Variants in UVSSA observed in about 807,000 individuals in gnomAD.
The protein encoded by UVSSA is UV-stimulated scaffold protein A.
UVSSA carries 72 observed loss-of-function variants against 73.9 expected under a neutral mutation model. The observed-to-expected ratio is 0.97, with a 90% confidence interval of 0.81 to 1.19. The LOEUF (loss-of-function observed/expected upper bound fraction) is 1.19. Ranked by LOEUF, UVSSA falls within the 50% of genes most tolerant of loss-of-function variation. The pLI is 0.00. For synonymous variants in UVSSA, 454 were observed against 391.3 expected, an observed-to-expected ratio of 1.16 and a Z score of -1.89; for missense variants, 1,150 against 965.0, an observed-to-expected ratio of 1.19 and a Z score of -2.54.
At chr4:1,379,254 G>A (rs7656122) in intron 10 of UVSSA, among the ~76,000 whole-genome samples, 76,637 of 152,122 alleles carry the variant, frequency 0.5, 19,569 homozygotes, top group Non-Finnish European at 0.54. Context: ...AACTGTGGCT[G>A]TGTGTCCTAG....
chr4:1,359,390 C>T (rs1451079855), intron 7 of UVSSA: 1 of 152,218 alleles, frequency 6.6e-6, no homozygotes, highest in Non-Finnish European at 1.5e-5. Flanking sequence ...CTGCGTCATT[C>T]GCTGAGCTGA....
In UVSSA at chr4:1,348,095, G is replaced by A. The variant is rs750601721; in HGVS notation, c.4G>A (p.Asp2Asn). Residue 2 changes from aspartate (D) to asparagine (N), a missense_variant, in exon 2 of 14, where the codon GAT becomes AAT. Transcript: ENST00000389851. The part of the protein sequence containing the change: M[D>N]QKLSKLVEEL... ...TCTGCCTTACTTATTTCTAGATATG[G>A]ATCAGAAACTTTCGAAGTTGGTAGA... 6.2e-7 allele frequency: 1 copy of A among 1,612,438 alleles called. No individual in the cohort carries two copies. Among genetic ancestry groups the A allele is most frequent in the Non-Finnish European group, 8.5e-7 (1 of 1,178,796 alleles).
chr4:1,368,845 T>A (rs1717664987), intron 8 of UVSSA, among the ~76,000 whole-genome samples: 1 of 152,250 alleles, frequency 6.6e-6, no homozygotes. Flanking sequence ...GCACAGCTGG[T>A]GCACTGGCGG....
intron 10 of UVSSA, among the ~76,000 whole-genome samples, chr4:1,377,887 G>T (rs527408187): frequency 1.3e-5 from 2 of 152,378 alleles, no homozygotes; most frequent in Middle Eastern, 3.4e-3. Context: ...ACATGGCAGC[G>T]GCCCGGGCTG....
At chr4:1,378,827 G>A (rs1416010068) in intron 10 of UVSSA, among the ~76,000 whole-genome samples, 1 of 152,230 alleles carries the variant, frequency 6.6e-6, no homozygotes, top group African/African-American at 2.4e-5. Flanking sequence ...CGGGGCACAT[G>A]GCCAGGTGCT....
At chr4:1,388,132 C>T (rs1191287051), downstream of UVSSA, 5 of 152,190 alleles carry the variant, frequency 3.3e-5, no homozygotes, top group East Asian at 5.8e-4. Flanking sequence ...ATAAGTTTCT[C>T]ACTTATTTTG....
exon 14 of UVSSA, chr4:1,394,628 A>T (rs769114627): frequency 6.9e-7 from 1 of 1,445,836 alleles, no homozygotes; most frequent in South Asian, 1.2e-5. Context: ...ACACATGTCG[A>T]TGCGGAGTGC....
intron 7 of UVSSA, among the ~76,000 whole-genome samples, chr4:1,356,350 G>A (rs184068301): frequency 6.6e-6 from 1 of 152,144 alleles, no homozygotes; most frequent in Admixed American, 6.5e-5. Context: ...GTGGCCCCGC[G>A]TCCCCAACGT....
chr4:1,353,520 C>T, intron 5 of UVSSA, 107 bp downstream of exon 5: 3 of 1,390,732 alleles, frequency 2.2e-6, no homozygotes, highest in South Asian at 3.2e-5. Context: ...AGGGGCCTCC[C>T]CTGGGGAGCT....
chr4:1,386,241 T>C lies in UVSSA; in HGVS notation c.*280T>C. 2.3e-6 allele frequency: 1 copy of C among 427,436 alleles called. No homozygotes were observed. The highest frequency in any genetic ancestry group is 4.6e-5 in the East Asian group (1 of 21,936). 26.5% of individuals were successfully genotyped at this position (427,436 alleles called of 1,614,324 possible). A position where few individuals can be genotyped will look rare whatever the true frequency, so the allele number is the denominator to read the frequency against. On this transcript the variant is annotated 3_prime_UTR_variant, in exon 14 of 14. Coordinates refer to ENST00000389851, the MANE Select transcript of UVSSA (RefSeq NM_020894.4). The stretch of plus-strand genomic sequence containing the variant: ...TCCAGAGGGCTTCTGCGAGTCCTCG[T>C]GAGACCAGTGCTTGTCGTGGTGTGG...
chr4:1,358,147 C>G (rs1185851129), intron 7 of UVSSA: 1 of 152,728 alleles, frequency 6.5e-6, no homozygotes, highest in Non-Finnish European at 1.5e-5. Context: ...CACTGTCCTT[C>G]CTCACTCCTG....
intron 8 of UVSSA, among the ~76,000 whole-genome samples, chr4:1,369,988 G>C (rs552114417): frequency 6.6e-6 from 1 of 152,230 alleles, no homozygotes; most frequent in Non-Finnish European, 1.5e-5. Flanking sequence ...GAGGAATGCT[G>C]TCTGATTTTT....
At chr4:1,356,762 A>G (rs2336082) in intron 7 of UVSSA, 71,342 of 152,198 alleles carry the variant, frequency 0.47, 21,093 homozygotes, top group African/African-American at 0.82. Context: ...GGTCACGGGC[A>G]CTTCCCTGTG....
chr4:1,366,141 G>T, intron 7 of UVSSA, 179 bp from the exon 8 acceptor site: 1 of 570,410 alleles, frequency 1.8e-6, no homozygotes, highest in Non-Finnish European at 3.1e-6. Flanking sequence ...GTGTGATTTT[G>T]GGGAACAAGA....
intron 8 of UVSSA, among the ~76,000 whole-genome samples, chr4:1,374,645 G>A (rs74644293): frequency 6.6e-6 from 1 of 152,192 alleles, no homozygotes; most frequent in African/African-American, 2.4e-5. Flanking sequence ...CGGGCACTCC[G>A]GGACGGCATC....
chr4:1,350,318 C>T (rs74699528), intron 3 of UVSSA, among the ~76,000 whole-genome samples: 2,233 of 152,238 alleles, frequency 0.015, 67 homozygotes, highest in African/African-American at 0.051. Flanking sequence ...GGCCTGAACC[C>T]AGCCTCATTG....
intron 8 of UVSSA, among the ~76,000 whole-genome samples, chr4:1,373,034 T>A (rs2109250915): frequency 6.6e-6 from 1 of 152,314 alleles, no homozygotes; most frequent in South Asian, 2.1e-4. Flanking sequence ...CTCCATGAGG[T>A]CGTCGTCCTG....
intron 7 of UVSSA, among the ~76,000 whole-genome samples, chr4:1,359,712 G>C (rs1033643468): frequency 6.6e-6 from 1 of 152,064 alleles, no homozygotes; most frequent in Non-Finnish European, 1.5e-5. Context: ...AACCAGAGTC[G>C]TCCCCCCGAC....
exon 14 of UVSSA, chr4:1,394,083 C>A: frequency 3.4e-6 from 1 of 298,420 alleles, no homozygotes; most frequent in Non-Finnish European, 6.3e-6. Context: ...CCAACTGTGC[C>A]TTTGCCTTCA....
Sources: gnomAD v4.1 joint callset for allele counts (sites outside exome capture counted in the v4.1 genomes callset) on GRCh38, gnomAD v4.1.1 for gene constraint, MANE v1.5 for transcripts, NCBI Gene and HGNC (gene_info 2026-07-23, HGNC 2026-07-21) for gene names.